The following PLEC variants were observed in gnomAD, a reference collection of about 807,000 sequenced individuals.
The protein encoded by PLEC is hemidesmosomal protein 1.
In PLEC, 216 loss-of-function variants were observed where a neutral mutation model predicts 392.8. That is an observed-to-expected ratio of 0.55 (90% CI 0.49 to 0.62). PLEC has a LOEUF of 0.62. Among genes scored for constraint, PLEC ranks in the 20% least tolerant of loss-of-function variants. PLEC has a pLI of 0.00. For synonymous variants in PLEC, 3,621 were observed against 2,980.6 expected, an observed-to-expected ratio of 1.21 and a Z score of -7.00; for missense variants, 6,863 against 6,563.4, an observed-to-expected ratio of 1.05 and a Z score of -1.58.
intron 1 of PLEC, among the ~76,000 whole-genome samples, chr8:143,970,294 G>A (rs2132956553): frequency 1.4e-5 from 2 of 147,158 alleles, no homozygotes; most frequent in Middle Eastern, 3.4e-3. Context: ...AAAGTAAAAC[G>A]CTCCAAAAAA....
rs890885812 is a variant in PLEC at position 143,918,505 on chromosome 8, A to G, written c.11316T>C (p.Arg3772=). 6 of 1,605,046 alleles carry G rather than the reference A, an allele frequency of 3.7e-6. No individual in the cohort carries two copies. Among genetic ancestry groups the G allele is most frequent in the Non-Finnish European group, 5.1e-6 (6 of 1,177,048 alleles). ...LSAERAVTGY[R]DPYTEQTISL... The stretch of plus-strand genomic sequence containing the variant: ...AGATGGTCTGCTCGGTGTAGGGGTC[A>G]CGGTAGCCGGTGACCGCCCGCTCAG... Residue 3772 remains arginine (R), a synonymous_variant, in exon 32 of 32, where the codon CGT becomes CGC. Transcript: ENST00000345136.
chr8:143,932,341 G>A (rs1261424753), intron 16 of PLEC, 59 bp downstream of exon 16: 33 of 1,609,472 alleles, frequency 2.1e-5, no homozygotes, highest in South Asian at 3.3e-5. Context: ...CATAGGGGAC[G>A]GCCAGGGCAC....
intron 19 of PLEC, among the ~76,000 whole-genome samples, chr8:143,930,887 C>G (rs1011306401): frequency 2.0e-5 from 3 of 152,174 alleles, no homozygotes; most frequent in Non-Finnish European, 2.9e-5. Context: ...GGGGCCAGGC[C>G]GCAGGACGGC....
At chr8:143,953,102 C>G (rs1832365598), upstream of PLEC, among the ~76,000 whole-genome samples, 2 of 151,100 alleles carry the variant, frequency 1.3e-5, no homozygotes, top group South Asian at 4.2e-4. Flanking sequence ...CGGAAGCTAC[C>G]GCCCCCTGCC....
In PLEC at chr8:143,919,275, T is replaced by C. The variant is rs1821690251; in HGVS notation, c.10546A>G (p.Asn3516Asp). 2 of 1,613,908 alleles carry C rather than the reference T, an allele frequency of 1.2e-6. No homozygotes were observed. The highest frequency in any genetic ancestry group is 1.7e-5 in the Admixed American group (1 of 60,016). The change falls in exon 32 of 32, where the codon AAC becomes GAC. Residue 3516 changes from asparagine to aspartate, a missense_variant. Coordinates refer to ENST00000345136, the MANE Select transcript of PLEC (RefSeq NM_201384.3). ...CTGTACGTGAGGTTCTCATGCGTGT[T>C]GGGGTCAAAGAAGCCCTTGGTGTCG... ...SDDTKGFFDP[N>D]THENLTYRQL...
At chr8:143,961,085 A>C (rs902528469) in intron 1 of PLEC, among the ~76,000 whole-genome samples, 2 of 152,234 alleles carry the variant, frequency 1.3e-5, no homozygotes, top group Non-Finnish European at 1.5e-5. Context: ...GCTCTGACAG[A>C]CGCTTTCTCT....
intron 27 of PLEC, 24 bp from the exon 28 acceptor site, chr8:143,927,359 C>T (rs781927348): frequency 1.7e-5 from 27 of 1,611,710 alleles, no homozygotes; most frequent in African/African-American, 4.0e-5. Flanking sequence ...TGGTCAGAGC[C>T]GTGGCCGCAG....
chr8:143,923,889 G>C lies in PLEC; in HGVS notation c.6040C>G (p.Leu2014Val), dbSNP rs782467182. The C allele has an allele frequency of 2.4e-5, 39 of 1,594,714 alleles. No individual in the cohort carries two copies. The highest frequency in any genetic ancestry group is 3.1e-5 in the Non-Finnish European group (36 of 1,178,098). Residue 2014 changes from leucine (L) to valine (V), a missense_variant, in exon 31 of 32, where the codon CTG becomes GTG. Coordinates refer to ENST00000345136, the MANE Select transcript of PLEC (RefSeq NM_201384.3). Reference protein sequence around the residue: ...RKAALEEVERLKAKVEEARRL... With the variant: ...RKAALEEVERVKAKVEEARRL... ...CGCGCCTCCTCCACCTTGGCTTTCA[G>C]CCGCTCGACTTCCTCCAGCGCCGCC... is the stretch of plus-strand genomic sequence containing the variant.
chr8:143,916,868 G>A lies in PLEC; in HGVS notation c.12953C>T (p.Thr4318Ile). 6.2e-7 allele frequency: 1 copy of A among 1,612,684 alleles called. No individual in the cohort carries two copies. The highest frequency in any genetic ancestry group is 1.3e-5 in the African/African-American group (1 of 75,006). ...GGTGCTGGGGTCGATGATGCCCCCGGTGCAGGCCTGCGCCTCCAGCAGCCG... is the reference window on the plus strand; with the variant it reads ...GGTGCTGGGGTCGATGATGCCCCCGATGCAGGCCTGCGCCTCCAGCAGCCG... ...GQRLLEAQACTGGIIDPSTGE... is the reference protein window; with the variant it reads ...GQRLLEAQACIGGIIDPSTGE... Residue 4318 changes from threonine to isoleucine, a missense_variant, in exon 32 of 32, where the codon ACC becomes ATC. Physicochemically the swap from Thr to Ile is moderately conservative, Grantham distance 89. Coordinates refer to ENST00000345136, the MANE Select transcript of PLEC (RefSeq NM_201384.3).
In PLEC at chr8:143,966,946, A is replaced by G. The variant is rs1554742445; in HGVS notation, c.70+6457T>C. ...ACGACAGAGATGTTTAAAAAAATGC[A>G]GCAGTGCTGGAAGCAACTCTCAGCA... is the stretch of plus-strand genomic sequence containing the variant. On this transcript the variant is annotated intron_variant, in intron 1 of 31. Coordinates refer to the PLEC transcript ENST00000356346. Among the ~76,000 whole-genome samples, 3 of 152,364 alleles carry G rather than the reference A, an allele frequency of 2.0e-5. No individual in the cohort carries two copies. The East Asian group carries it at 5.8e-4, about 29-fold the overall frequency.
At chr8:143,939,658 C>A (rs368968140), upstream of PLEC, 32 of 1,409,880 alleles carry the variant, frequency 2.3e-5, no homozygotes, top group Middle Eastern at 1.6e-3. Context: ...GCCCCCGAGG[C>A]CCCACCCTGC....
intron 19 of PLEC, among the ~76,000 whole-genome samples, 182 bp downstream of exon 19, chr8:143,931,352 A>C (rs1324982589): frequency 6.6e-5 from 7 of 105,496 alleles, no homozygotes; most frequent in African/African-American, 1.9e-4. Context: ...CCTAGTCTCC[A>C]GAGTACCCAT....
upstream of PLEC, chr8:143,942,434 G>T: frequency 6.2e-7 from 1 of 1,604,102 alleles, no homozygotes; most frequent in Non-Finnish European, 8.5e-7. Flanking sequence ...CTGCGGGCCG[G>T]CTCGCAGCCC....
rs2131518565 is a variant in PLEC, at chr8:143,925,864, C to T, written c.4065G>A (p.Arg1355=). 1 of 1,547,908 alleles carries T rather than the reference C, an allele frequency of 6.5e-7. No homozygotes were observed. The highest frequency in any genetic ancestry group is 8.7e-7 in the Non-Finnish European group (1 of 1,153,280). The change falls in exon 31 of 32, where the codon CGG becomes CGA. Residue 1355 remains arginine (R), a synonymous_variant. Transcript: ENST00000345136. ...CGGCCAGCCGCTCGCGCTCCTCTGC[C>T]CGCTGCTGCTCAGCCAGCCTCTGTG... ...EEEERLAEQQ[R]AEERERLAEV...
Position 143,923,552 on chromosome 8 carries a change from T to A in PLEC, c.6377A>T (p.Gln2126Leu), listed in dbSNP as rs1823704606. ...AGCCGCCTGTGCCTGAGCCCGGGCC[T>A]GTGCCTGCTCCTCTGCCGACTGCTT... ...RLKQSAEEQA[Q>L]ARAQAQAAAE... The change falls in exon 31 of 32, where the codon CAG (glutamine) becomes CTG (leucine). Residue 2126 changes from glutamine to leucine, a missense_variant. By Grantham distance (113) the Gln-to-Leu change is moderately radical. Transcript: ENST00000345136. 1 of 1,597,696 alleles carries A rather than the reference T, an allele frequency of 6.3e-7. No homozygotes were observed. Among genetic ancestry groups the A allele is most frequent in the African/African-American group, 1.3e-5 (1 of 74,572 alleles).
rs377048540 is a variant in PLEC, at chr8:143,935,986, G to A, written c.464C>T (p.Ser155Leu). The A allele has an allele frequency of 7.9e-5, 128 of 1,612,424 alleles. No homozygotes were observed. Among genetic ancestry groups the A allele is most frequent in the Non-Finnish European group, 9.5e-5 (112 of 1,179,966 alleles). ...CTTCTCCTTGGCCGTCATGTCCTCC[G>A]ACTGCCCACTCACCTGGATATCTGA... is the stretch of plus-strand genomic sequence containing the variant. Reference protein sequence around the residue: ...QISDIQVSGQSEDMTAKEKLL... With the variant: ...QISDIQVSGQLEDMTAKEKLL... The change falls in exon 6 of 32, where the codon TCG (serine) becomes TTG (leucine). Residue 155 changes from serine to leucine, a missense_variant. Transcript: ENST00000345136.
At chr8:143,947,331 C>T (rs543689557) in intron 1 of PLEC, among the ~76,000 whole-genome samples, 115 of 152,320 alleles carry the variant, frequency 7.5e-4, no homozygotes, top group African/African-American at 2.3e-3. Flanking sequence ...GCGTGTACAG[C>T]GCTCACCGTG....
chr8:143,925,822 C>A lies in PLEC; in HGVS notation c.4107G>T (p.Leu1369=). The change falls in exon 31 of 32, where the codon CTG becomes CTT. Residue 1369 remains leucine, a synonymous_variant. Transcript: ENST00000345136. ...CCTCGGCCAGCTGCCGCTGCTTCTC[C>A]AGCGCGGCCTCCACCTCGGCCAGCC... ...RERLAEVEAA[L]EKQRQLAEAH... 6.4e-7 allele frequency: 1 copy of A among 1,561,830 alleles called. No individual in the cohort carries two copies. Among genetic ancestry groups the A allele is most frequent in the Non-Finnish European group, 8.6e-7 (1 of 1,161,280 alleles).
chr8:143,944,640 C>T, intron 1 of PLEC: 1 of 1,348,016 alleles, frequency 7.4e-7, no homozygotes, highest in Non-Finnish European at 9.6e-7. Context: ...CAAGGGCTGC[C>T]CACCTACCGG....
Sources: gnomAD v4.1 joint callset for allele counts (sites outside exome capture counted in the v4.1 genomes callset) on GRCh38, gnomAD v4.1.1 for gene constraint, MANE v1.5 for transcripts, NCBI Gene and HGNC (gene_info 2026-07-23, HGNC 2026-07-21) for gene names.